The following NCAM2 variants were observed in gnomAD, a reference collection of about 807,000 sequenced individuals.
The protein encoded by NCAM2 is N-CAM-2.
A neutral mutation model predicts 98.1 loss-of-function variants in NCAM2; 30 were observed. The observed-to-expected ratio is 0.31, with a 90% CI of 0.23 to 0.41. The LOEUF (loss-of-function observed/expected upper bound fraction) is 0.41, where lower values mean the gene tolerates loss of function less well. Ranked by LOEUF, NCAM2 falls within the 10% of genes least tolerant of loss-of-function variation. The pLI is 1.00. For missense variants in NCAM2, 867 were observed against 1,005.8 expected, an observed-to-expected ratio of 0.86 and a Z score of 1.87; for synonymous variants, 368 against 342.4, an observed-to-expected ratio of 1.07 and a Z score of -0.83.
chr21:21,157,197 A>G (rs1194018417), intron 1 of NCAM2, among the ~76,000 whole-genome samples: 2 of 152,196 alleles, frequency 1.3e-5, no homozygotes, highest in Non-Finnish European at 2.9e-5. Context: ...GTTAATAGAA[A>G]GGAATTATAT....
At chr21:21,076,061 G>T (rs894218800) in intron 1 of NCAM2, among the ~76,000 whole-genome samples, 2 of 151,270 alleles carry the variant, frequency 1.3e-5, no homozygotes, top group African/African-American at 4.9e-5. Context: ...AGGTTGAAGT[G>T]AGGCTAGATC....
intron 1 of NCAM2, among the ~76,000 whole-genome samples, chr21:21,055,979 A>C (rs2065201921): frequency 6.6e-6 from 1 of 152,120 alleles, no homozygotes; most frequent in Non-Finnish European, 1.5e-5. Flanking sequence ...AGATAAAAAC[A>C]GTACACTCTT....
At chr21:21,222,139 TA>T (rs2070195142) in intron 1 of NCAM2, among the ~76,000 whole-genome samples, 1 of 152,198 alleles carries the variant, frequency 6.6e-6, no homozygotes, top group Non-Finnish European at 1.5e-5. Context: ...AGTTGAGACC[TA>T]CTACGCAAGA....
At chr21:21,350,522 G>A (rs1443212860) in intron 8 of NCAM2, among the ~76,000 whole-genome samples, 1 of 152,082 alleles carries the variant, frequency 6.6e-6, no homozygotes, top group Non-Finnish European at 1.5e-5. Context: ...ACTGGTTTCT[G>A]ATGCTAATAA....
chr21:21,159,200 A>C (rs1193244317), intron 1 of NCAM2, among the ~76,000 whole-genome samples: 1 of 152,206 alleles, frequency 6.6e-6, no homozygotes, highest in Non-Finnish European at 1.5e-5. Context: ...GCTGTATAAT[A>C]TGTTTGTGTT....
At chr21:21,190,087 A>C (rs768028204) in intron 1 of NCAM2, among the ~76,000 whole-genome samples, 2 of 152,206 alleles carry the variant, frequency 1.3e-5, no homozygotes, top group African/African-American at 4.8e-5. Flanking sequence ...CCAAATTTGG[A>C]CTATGCAGAA....
At position 21,432,178 on chromosome 21, in the gene NCAM2, C is replaced by T. The variant is rs766929746; in HGVS notation, c.1551C>T (p.Asn517=). The part of the protein sequence containing the change: ...LSQTTAKVSF[N]KPDSHGGVPI... Reference sequence around the variant, plus strand: ...AGACCACGGCCAAGGTTTCCTTCAACAAACCGGACTCCCATGGAGGTGTAC... The same window carrying T: ...AGACCACGGCCAAGGTTTCCTTCAATAAACCGGACTCCCATGGAGGTGTAC... Residue 517 remains asparagine (N), a synonymous_variant, in exon 12 of 18, where the codon AAC becomes AAT. Transcript: ENST00000400546. 2.5e-6 allele frequency: 4 copies of T among 1,614,064 alleles called. No homozygotes were observed. The South Asian group carries it at 3.3e-5, about 13-fold the overall frequency.
intron 1 of NCAM2, among the ~76,000 whole-genome samples, chr21:21,012,189 T>A (rs2064224582): frequency 6.6e-6 from 1 of 152,158 alleles, no homozygotes; most frequent in South Asian, 2.1e-4. Context: ...AAAATATTAA[T>A]AAGCATGGAG....
At chr21:21,321,433 AATTTTTGT>A (rs149623921) in intron 5 of NCAM2, among the ~76,000 whole-genome samples, 1,934 of 152,188 alleles carry the variant, frequency 0.013, 44 homozygotes, top group African/African-American at 0.045. Flanking sequence ...CCCACTCGTC[AATTTTTGT>A]ATTTATTGCA....
intron 1 of NCAM2, among the ~76,000 whole-genome samples, chr21:21,232,871 A>G (rs1183522439): frequency 2.6e-5 from 4 of 151,592 alleles, no homozygotes; most frequent in African/African-American, 9.7e-5. Flanking sequence ...GACATATTTA[A>G]TTACAAAATG....
intron 1 of NCAM2, among the ~76,000 whole-genome samples, chr21:21,054,879 G>T (rs2065182573): frequency 6.6e-6 from 1 of 151,912 alleles, no homozygotes; most frequent in Admixed American, 6.6e-5. Flanking sequence ...TACTGTTTCT[G>T]CCTCATAAAT....
intron 12 of NCAM2, among the ~76,000 whole-genome samples, chr21:21,464,859 C>A (rs1983469969): frequency 6.6e-6 from 1 of 152,062 alleles, no homozygotes; most frequent in African/African-American, 2.4e-5. Context: ...CAGGTCATTA[C>A]CCTGTCAGAA....
intron 9 of NCAM2, among the ~76,000 whole-genome samples, chr21:21,404,385 A>T (rs149288512): frequency 7.8e-4 from 119 of 152,250 alleles, no homozygotes; most frequent in African/African-American, 2.7e-3. Context: ...CAGGGTAGTG[A>T]ATAAGTCTCA....
chr21:21,350,289 GTAAA>G (rs749530926), intron 8 of NCAM2, among the ~76,000 whole-genome samples: 219 of 152,120 alleles, frequency 1.4e-3, no homozygotes, highest in Non-Finnish European at 2.6e-3. Flanking sequence ...GATTAAGATA[GTAAA>G]TAAATATTTT....
Position 21,509,819 on chromosome 21 carries a change from C to T in NCAM2, c.2282+764C>T, listed in dbSNP as rs530238648. Among the ~76,000 whole-genome samples, 9 of 152,222 alleles carry T rather than the reference C, an allele frequency of 5.9e-5. 1 individual carries two copies. The South Asian group carries it at 1.9e-3, about 32-fold the overall frequency. On this transcript the variant is annotated intron_variant, in intron 16 of 17. Coordinates refer to ENST00000400546, the MANE Select transcript of NCAM2 (RefSeq NM_004540.5). ...AATATGATCAATGCAAAAAATTCAG[C>T]AAGCACAGGAAATCATACACAAACA...
intron 5 of NCAM2, among the ~76,000 whole-genome samples, chr21:21,323,422 T>TA (rs2074428464): frequency 6.6e-6 from 1 of 152,152 alleles, no homozygotes; most frequent in Non-Finnish European, 1.5e-5. Flanking sequence ...CTGACCTGAA[T>TA]GCTATTATAG....
intron 1 of NCAM2, among the ~76,000 whole-genome samples, chr21:21,133,313 T>C (rs2146621197): frequency 6.6e-6 from 1 of 152,234 alleles, no homozygotes; most frequent in South Asian, 2.1e-4. Flanking sequence ...CAACATGGAG[T>C]TTACACTAAC....
chr21:21,334,999 T>C (rs1258484962), intron 6 of NCAM2, among the ~76,000 whole-genome samples: 1 of 152,154 alleles, frequency 6.6e-6, no homozygotes, highest in Non-Finnish European at 1.5e-5. Flanking sequence ...CTCATCTTAC[T>C]ATTTTATTGG....
At chr21:21,256,336 A>G (rs968655852) in intron 1 of NCAM2, among the ~76,000 whole-genome samples, 2 of 152,188 alleles carry the variant, frequency 1.3e-5, no homozygotes, top group African/African-American at 4.8e-5. Flanking sequence ...AGCCTGGGCA[A>G]CAAGAGCAAA....
Sources: gnomAD v4.1 joint callset for allele counts (sites outside exome capture counted in the v4.1 genomes callset) on GRCh38, gnomAD v4.1.1 for gene constraint, MANE v1.5 for transcripts, NCBI Gene and HGNC (gene_info 2026-07-23, HGNC 2026-07-21) for gene names.